Variants in BEST3 observed in about 807,000 individuals in gnomAD.
The protein encoded by BEST3 is bestrophin-3.
In BEST3, 50 loss-of-function variants were observed where a neutral mutation model predicts 47.1. The observed-to-expected ratio is 1.06, with a 90% CI of 0.85 to 1.34. BEST3 has a LOEUF of 1.34. Among genes scored for constraint, BEST3 ranks in the 40% most tolerant of loss-of-function variants. The pLI is 0.00. For missense variants in BEST3, 765 were observed against 817.0 expected (o/e 0.94, Z 0.78); for synonymous variants, 282 against 298.8 (o/e 0.94, Z 0.58).
At chr12:69,672,333 T>C (rs551036154) in intron 8 of BEST3, among the ~76,000 whole-genome samples, 387 of 152,330 alleles carry the variant, frequency 2.5e-3, no homozygotes, top group Non-Finnish European at 4.2e-3. Flanking sequence ...AAAGGAAAAT[T>C]CCTTAGTGCT....
chr12:69,668,863 T>C (rs1256944614), intron 9 of BEST3, among the ~76,000 whole-genome samples: 2 of 152,188 alleles, frequency 1.3e-5, no homozygotes, highest in Non-Finnish European at 2.9e-5. Context: ...GGAAAAGAGA[T>C]GTGCTCTTTC....
chr12:69,651,209 G>T (rs1178022943), downstream of BEST3, among the ~76,000 whole-genome samples: 1 of 152,180 alleles, frequency 6.6e-6, no homozygotes, highest in Admixed American at 6.5e-5. Flanking sequence ...GAATCCATGG[G>T]AACATTAATC....
chr12:69,671,012 G>C lies in BEST3; in HGVS notation c.1100+416C>G, dbSNP rs149018208. On this transcript the variant is annotated intron_variant, in intron 9 of 9. Transcript: ENST00000330891. ...ATTTATTTAAAGCTCATTATACTTA[G>C]GGGTGATTGCTGTGTTAAAACCACT... 2.9e-3 allele frequency among the ~76,000 whole-genome samples: 437 copies of C among 152,186 alleles called. 2 individuals are homozygous for C. The highest frequency in any genetic ancestry group is 9.5e-3 in the African/African-American group (395 of 41,514).
chr12:69,676,692 A>T (rs1884941725), intron 7 of BEST3, among the ~76,000 whole-genome samples: 3 of 152,236 alleles, frequency 2.0e-5, no homozygotes. Context: ...ATCAATAGCC[A>T]TAAGAGTGTT....
chr12:69,654,328 A>G lies in BEST3; in HGVS notation c.*579T>C. 2.0e-6 allele frequency: 2 copies of G among 984,888 alleles called. No individual in the cohort carries two copies. Among genetic ancestry groups the G allele is most frequent in the Non-Finnish European group, 2.4e-6 (2 of 829,448 alleles). 61.0% of individuals were successfully genotyped at this position (984,888 alleles called of 1,614,324 possible). ...GTAAAAAAGGAAATTGAAGAGAATT[A>G]AGTGTTCTGGTGCTGATGAAGCTTA... is the stretch of plus-strand genomic sequence containing the variant. On this transcript the variant is annotated 3_prime_UTR_variant, in exon 10 of 10. Transcript: ENST00000330891.
intron 5 of BEST3, among the ~76,000 whole-genome samples, chr12:69,678,523 A>G (rs1203946460): frequency 6.6e-6 from 1 of 152,164 alleles, no homozygotes; most frequent in African/African-American, 2.4e-5. Context: ...TTCTGTTTAA[A>G]ACGCAGCTTC....
intron 5 of BEST3, among the ~76,000 whole-genome samples, chr12:69,678,136 G>A (rs1189323680): frequency 6.6e-6 from 1 of 152,134 alleles, no homozygotes; most frequent in Non-Finnish European, 1.5e-5. Context: ...AGGGAAAAGA[G>A]TTCACATCAA....
downstream of BEST3, among the ~76,000 whole-genome samples, chr12:69,651,080 TA>T (rs1296673052): frequency 6.6e-6 from 1 of 151,814 alleles, no homozygotes; most frequent in Non-Finnish European, 1.5e-5. Context: ...GACTTGTCTC[TA>T]AAAAAAGAAG....
intron 4 of BEST3, among the ~76,000 whole-genome samples, chr12:69,680,841 T>G (rs2135995943): frequency 6.6e-6 from 1 of 152,280 alleles, no homozygotes; most frequent in Admixed American, 6.5e-5. Context: ...ATCTGCCATT[T>G]GCTTCTATTT....
At chr12:69,686,185 G>GAAAAAAAAAAAA (rs372482477) in intron 4 of BEST3, among the ~76,000 whole-genome samples, 1 of 117,796 alleles carries the variant, frequency 8.5e-6, no homozygotes, top group African/African-American at 3.1e-5. Context: ...AATGGATCAG[G>GAAAAAAAAAAAA]AAAAAAAAAA....
intron 4 of BEST3, chr12:69,683,867 C>T (rs775468): frequency 0.72 from 109,467 of 152,104 alleles, 39,441 homozygotes; most frequent in South Asian, 0.81. Flanking sequence ...AAATCAAAGT[C>T]GGTCAACTGA....
At chr12:69,686,771 C>CAAAAAAACAAAAAAAAAAAAAAAAA (rs376779536) in intron 4 of BEST3, among the ~76,000 whole-genome samples, 1 of 49,886 alleles carries the variant, frequency 2.0e-5, no homozygotes, top group Non-Finnish European at 3.4e-5. Context: ...GATTCTGCCT[C>CAAAAAAACAAAAAAAAAAAAAAAAA]AAAAAAACAA....
chr12:69,668,261 T>C (rs1299784351), intron 9 of BEST3, among the ~76,000 whole-genome samples: 1 of 152,204 alleles, frequency 6.6e-6, no homozygotes, highest in Non-Finnish European at 1.5e-5. Context: ...AAGGAAAATT[T>C]GATTTCTGAA....
intron 9 of BEST3, among the ~76,000 whole-genome samples, chr12:69,668,583 T>C (rs1313379010): frequency 1.3e-5 from 2 of 152,206 alleles, no homozygotes; most frequent in African/African-American, 4.8e-5. Flanking sequence ...GGAATTATCT[T>C]CTATGATTTT....
chr12:69,694,025 C>T, intron 3 of BEST3, 118 bp from the exon 4 acceptor site: 1 of 760,056 alleles, frequency 1.3e-6, no homozygotes, highest in Non-Finnish European at 2.1e-6. Flanking sequence ...ATATTATTAT[C>T]CATATCTTCT....
chr12:69,654,846 T>TA lies in BEST3; in HGVS notation c.*60dup, dbSNP rs1565819797. On this transcript the variant is annotated 3_prime_UTR_variant, in exon 10 of 10. Coordinates refer to ENST00000330891, the MANE Select transcript of BEST3 (RefSeq NM_032735.3). Reference sequence around the variant, plus strand: ...GCCTTCAGGTATGTCCTGGGCCTAATATGCTGCTTTTGGGGAGGTAAGAAT... The same window carrying TA: ...GCCTTCAGGTATGTCCTGGGCCTAATAATGCTGCTTTTGGGGAGGTAAGAAT... The TA allele has an allele frequency of 3.2e-6, 5 of 1,550,386 alleles. No homozygotes were observed. The East Asian group carries it at 1.1e-4, about 35-fold the overall frequency.
chr12:69,670,100 A>G, intron 9 of BEST3: 1 of 210,964 alleles, frequency 4.7e-6, no homozygotes. Flanking sequence ...ATTATCTAAA[A>G]TCAAACTCAC....
intron 3 of BEST3, 168 bp from the exon 4 acceptor site, chr12:69,694,075 C>A: frequency 1.6e-6 from 1 of 616,450 alleles, no homozygotes; most frequent in Non-Finnish European, 2.8e-6. Context: ...TTGTGCCTGG[C>A]AATGCCTAAG....
intron 9 of BEST3, among the ~76,000 whole-genome samples, chr12:69,668,866 G>A (rs1884392652): frequency 6.6e-6 from 1 of 152,180 alleles, no homozygotes; most frequent in African/African-American, 2.4e-5. Flanking sequence ...AAAGAGATGT[G>A]CTCTTTCCAT....
Sources: allele counts gnomAD v4.1 joint callset (sites outside exome capture counted in the v4.1 genomes callset), GRCh38; gene constraint gnomAD v4.1.1; transcripts MANE v1.5; gene names NCBI Gene and HGNC (gene_info 2026-07-23, HGNC 2026-07-21).